The following APC variants were observed in gnomAD, a reference collection of about 807,000 sequenced individuals.
APC encodes APC regulator of Wnt signaling pathway.
A neutral mutation model predicts 247.0 loss-of-function variants in APC; 72 were observed. That is an observed-to-expected ratio of 0.29 (90% CI 0.24 to 0.35). APC has a LOEUF of 0.35. APC is among the 10% of genes least tolerant of loss of function. The pLI is 1.00. For synonymous variants in APC, 1,254 were observed against 1,162.5 expected, an observed-to-expected ratio of 1.08 and a Z score of -1.60; for missense variants, 3,400 against 3,360.7, an observed-to-expected ratio of 1.01 and a Z score of -0.29.
intron 2 of APC, among the ~76,000 whole-genome samples, chr5:112,755,590 A>G (rs1754883013): frequency 6.6e-6 from 1 of 152,342 alleles, no homozygotes; most frequent in Middle Eastern, 3.4e-3. Flanking sequence ...GCATCACACT[A>G]GTCTAGATGA....
At position 112,818,946 on chromosome 5, in the gene APC, TA is replaced by T. The variant is rs762333924; in HGVS notation, c.934-17del. 118 of 1,613,280 alleles carry T rather than the reference TA, an allele frequency of 7.3e-5. No homozygotes were observed. The African/African-American group carries it at 1.5e-3, about 20-fold the overall frequency. ...GATATTAAAGTCGTAATTTTGTTTC[TA>T]AACTCATTTGGCCCACAGGTGGAAA... On this transcript the variant is annotated intron_variant, in intron 9 of 15. Transcript: ENST00000257430.
At position 112,841,376 on chromosome 5, in the gene APC, C is replaced by G. The variant is rs1186128913; in HGVS notation, c.5782C>G (p.Gln1928Glu). 1.2e-6 allele frequency: 2 copies of G among 1,613,594 alleles called. No homozygotes were observed. The highest frequency in any genetic ancestry group is 1.7e-4 in the Middle Eastern group (1 of 6,060). The change falls in exon 16 of 16, where the codon CAG (glutamine) becomes GAG (glutamate). Residue 1928 changes from glutamine to glutamate, a missense_variant. Gln to Glu is a conservative substitution (Grantham distance 29). Transcript: ENST00000257430. The surrounding 1 kb of genome is among the most constrained non-coding windows in gnomAD (Gnocchi z 4.6). ...INRGQPKPIL[Q>E]KQSTFPQSSK... is the part of the protein sequence containing the mutation. ...TCGAGGTCAGCCTAAACCCATACTT[C>G]AGAAACAATCCACTTTTCCCCAGTC...
At chr5:112,750,715 C>T (rs186016144) in intron 1 of APC, among the ~76,000 whole-genome samples, 1 of 152,280 alleles carries the variant, frequency 6.6e-6, no homozygotes, top group East Asian at 1.9e-4. Flanking sequence ...ACTTGGCCCT[C>T]TGTGTGTCTT....
intron 6 of APC, among the ~76,000 whole-genome samples, chr5:112,791,698 CT>C (rs1249393532): frequency 5.3e-5 from 8 of 152,224 alleles, no homozygotes; most frequent in African/African-American, 1.9e-4. Context: ...ATCAGATGTT[CT>C]TTCCCTTTAC....
rs1060504882 is a variant in APC, at chr5:112,839,233, A to G, written c.3639A>G (p.Ser1213=). 1.2e-6 allele frequency: 2 copies of G among 1,614,192 alleles called. No individual in the cohort carries two copies. The highest frequency in any genetic ancestry group is 1.7e-6 in the Non-Finnish European group (2 of 1,180,034). The change falls in exon 16 of 16, where the codon TCA becomes TCG. Residue 1213 remains serine, a synonymous_variant. Transcript: ENST00000257430. This position sits in a 1 kb window ranked among gnomAD's most constrained non-coding sequence, Gnocchi z 5.0. ...GCAGTAAAACCGAACATATGTCTTC[A>G]AGCAGTGAGAATACGTCCACACCTT... is the stretch of plus-strand genomic sequence containing the variant. ...GQSSKTEHMS[S]SSENTSTPSS...
chr5:112,735,049 A>G (rs1051266712), upstream of APC, among the ~76,000 whole-genome samples: 3 of 152,172 alleles, frequency 2.0e-5, no homozygotes, highest in East Asian at 5.8e-4. Context: ...CAACATTTAC[A>G]TATGAAACCA....
intron 12 of APC, among the ~76,000 whole-genome samples, chr5:112,827,548 T>C (rs1422688191): frequency 6.6e-6 from 1 of 152,098 alleles, no homozygotes; most frequent in Non-Finnish European, 1.5e-5. Flanking sequence ...GAAGTTTAAC[T>C]GTGTAGAATT....
intron 10 of APC, among the ~76,000 whole-genome samples, chr5:112,819,802 A>C (rs1364670999): frequency 1.3e-5 from 2 of 152,164 alleles, no homozygotes; most frequent in African/African-American, 4.8e-5. Context: ...CCTCACATCA[A>C]CCTACTGAAG....
At chr5:112,830,730 A>G (rs1255048570) in intron 14 of APC, among the ~76,000 whole-genome samples, 2 of 152,236 alleles carry the variant, frequency 1.3e-5, no homozygotes, top group Non-Finnish European at 2.9e-5. Flanking sequence ...CTATTGATAC[A>G]TGCAGTAATC....
At position 112,818,826 on chromosome 5, in the gene APC, G is replaced by A. The variant is rs1198065083; in HGVS notation, c.934-140G>A. The A allele has an allele frequency of 2.2e-5, 20 of 905,764 alleles. No individual in the cohort carries two copies. In the East Asian group the frequency reaches 3.4e-4, roughly 15 times the overall value. 56.1% of individuals were successfully genotyped at this position (905,764 alleles called of 1,614,324 possible). ...TTACTTCATCCTGGAAAGGTTTTCC[G>A]GTTTTTTGTTTTTTTTTTGGCGGGG... On this transcript the variant is annotated intron_variant, in intron 9 of 15. Transcript: ENST00000257430.
At chr5:112,825,116 C>CTT (rs1763509899) in intron 11 of APC, among the ~76,000 whole-genome samples, 2 of 152,122 alleles carry the variant, frequency 1.3e-5, no homozygotes, top group African/African-American at 2.4e-5. Flanking sequence ...AATTCCAATC[C>CTT]AGTTGCTCAA....
At position 112,839,659 on chromosome 5, in the gene APC, T is replaced by C. The variant is rs1580643558; in HGVS notation, c.4065T>C (p.Ser1355=). Residue 1355 remains serine, a synonymous_variant, in exon 16 of 16, where the codon TCT becomes TCC. Transcript: ENST00000257430. The surrounding 1 kb of genome is among the most constrained non-coding windows in gnomAD (Gnocchi z 5.0). ...CCAGGCACAAAGCTGTTGAATTTTCTTCAGGAGCGAAATCTCCCTCCAAAA... is the reference window on the plus strand; with the variant it reads ...CCAGGCACAAAGCTGTTGAATTTTCCTCAGGAGCGAAATCTCCCTCCAAAA... ...ESARHKAVEF[S]SGAKSPSKSG... is the part of the protein sequence containing the mutation. 6.2e-7 allele frequency: 1 copy of C among 1,614,166 alleles called. No homozygotes were observed. Among genetic ancestry groups the C allele is most frequent in the Admixed American group, 1.7e-5 (1 of 60,010 alleles).
intron 1 of APC, among the ~76,000 whole-genome samples, chr5:112,708,892 G>C (rs563833474): frequency 3.7e-4 from 57 of 152,158 alleles, no homozygotes; most frequent in Non-Finnish European, 3.5e-4. Context: ...AGAATTACTG[G>C]TGTAAAAAAC....
intron 1 of APC, among the ~76,000 whole-genome samples, chr5:112,745,668 G>C (rs1295116912): frequency 6.6e-6 from 1 of 150,528 alleles, no homozygotes; most frequent in African/African-American, 2.5e-5. Flanking sequence ...CGATTCTCCT[G>C]TCTTAGCGAC....
In APC at chr5:112,775,736, A is replaced by G. The variant is rs1561478485; in HGVS notation, c.530A>G (p.Asn177Ser). The G allele has an allele frequency of 1.3e-6, 2 of 1,526,136 alleles. No homozygotes were observed. The highest frequency in any genetic ancestry group is 1.8e-6 in the Non-Finnish European group (2 of 1,112,856). 94.5% of individuals were successfully genotyped at this position (1,526,136 alleles called of 1,614,324 possible). A position where few individuals can be genotyped will look rare whatever the true frequency, so the allele number is the denominator to read the frequency against. ...KRIDSLPLTE[N>S]FSLQTDMTRR... ...ATAGATAGTCTTCCTTTAACTGAAA[A>G]TGTAAGTAACTTGGCAGTACAACTT... is the stretch of plus-strand genomic sequence containing the variant. Residue 177 changes from asparagine to serine, a missense_variant and splice_region_variant, in exon 5 of 16, where the codon AAT (asparagine) becomes AGT (serine). This residue lies in a region of APC where 372 missense variants were observed against 367.6 expected (regional missense o/e 1.01). Transcript: ENST00000257430.
rs1040502776 is a variant in APC, at chr5:112,815,538, G to C, written c.878G>C (p.Ser293Thr). 1.2e-6 allele frequency: 2 copies of C among 1,612,492 alleles called. No homozygotes were observed. Among genetic ancestry groups the C allele is most frequent in the Non-Finnish European group, 1.7e-6 (2 of 1,178,918 alleles). ...GACCATGAAACAGCCAGTGTTTTGA[G>C]TTCTAGTAGCACACACTCTGCACCT... ...RMDHETASVL[S>T]SSSTHSAPRR... Residue 293 changes from serine to threonine, a missense_variant, in exon 9 of 16, where the codon AGT becomes ACT. By Grantham distance (58) the Ser-to-Thr change is moderately conservative. Coordinates refer to ENST00000257430, the MANE Select transcript of APC (RefSeq NM_000038.6).
At chr5:112,725,415 A>G (rs1192087011) in intron 1 of APC, among the ~76,000 whole-genome samples, 1 of 152,142 alleles carries the variant, frequency 6.6e-6, no homozygotes, top group Non-Finnish European at 1.5e-5. Flanking sequence ...TTCAAGCAGC[A>G]TATTCTTAAT....
At position 112,819,158 on chromosome 5, in the gene APC, A is replaced by C; in HGVS notation, c.1126A>C (p.Ser376Arg). The C allele has an allele frequency of 6.2e-7, 1 of 1,614,072 alleles. No homozygotes were observed. Among genetic ancestry groups the C allele is most frequent in the Non-Finnish European group, 8.5e-7 (1 of 1,180,002 alleles). ...DSVLLGNSRGSKEARARASAA... is the reference protein window; with the variant it reads ...DSVLLGNSRGRKEARARASAA... ...TGTATTGTTGGGAAATTCCCGGGGC[A>C]GTAAAGAGGCTCGGGCCAGGGCCAG... Residue 376 changes from serine to arginine, a missense_variant, in exon 10 of 16, where the codon AGT becomes CGT. Ser to Arg is a moderately radical substitution (Grantham distance 110). Transcript: ENST00000257430.
intron 9 of APC, among the ~76,000 whole-genome samples, 198 bp downstream of exon 9, chr5:112,815,791 G>A (rs545521886): frequency 2.6e-5 from 4 of 152,168 alleles, no homozygotes; most frequent in East Asian, 3.9e-4. Flanking sequence ...CAAAAATTTA[G>A]CCAGTGTGGT....
Sources: gnomAD v4.1 joint callset for allele counts (sites outside exome capture counted in the v4.1 genomes callset) on GRCh38, gnomAD v4.1.1 for gene constraint, gnomAD v4.1.1 regional missense constraint, Gnocchi (gnomAD v3.1) non-coding constraint, MANE v1.5 for transcripts, NCBI Gene and HGNC (gene_info 2026-07-23, HGNC 2026-07-21) for gene names.